DOCK2: variants seen among roughly 807,000 people sequenced by gnomAD.
DOCK2 encodes dedicator of cytokinesis 2.
In DOCK2, 87 loss-of-function variants were observed where a neutral mutation model predicts 248.9. The observed-to-expected ratio is 0.35, with a 90% CI of 0.29 to 0.42. DOCK2 has a LOEUF of 0.42. DOCK2 is among the 10% of genes least tolerant of loss of function. DOCK2 has a pLI of 1.00. For synonymous variants in DOCK2, 805 were observed against 821.6 expected, an observed-to-expected ratio of 0.98 and a Z score of 0.35; for missense variants, 1,747 against 2,300.2, an observed-to-expected ratio of 0.76 and a Z score of 4.92.
At chr5:169,789,097 G>A (rs1244947215) in intron 25 of DOCK2, among the ~76,000 whole-genome samples, 1 of 152,130 alleles carries the variant, frequency 6.6e-6, no homozygotes, top group African/African-American at 2.4e-5. Flanking sequence ...GTAGTATCTG[G>A]TTTTCTGTTC....
At chr5:169,776,733 T>C (rs1246642979) in intron 25 of DOCK2, among the ~76,000 whole-genome samples, 1 of 152,154 alleles carries the variant, frequency 6.6e-6, no homozygotes, top group Non-Finnish European at 1.5e-5. Context: ...TCTCATGAGA[T>C]CTGATAGTTT....
intron 2 of DOCK2, among the ~76,000 whole-genome samples, chr5:169,655,246 C>G (rs1758039496): frequency 6.6e-6 from 1 of 152,332 alleles, no homozygotes; most frequent in African/African-American, 2.4e-5. Flanking sequence ...TGGCCTACCA[C>G]AGTTCCCTCC....
intron 27 of DOCK2, among the ~76,000 whole-genome samples, chr5:169,904,265 G>A (rs1232406730): frequency 6.6e-6 from 1 of 152,164 alleles, no homozygotes; most frequent in Non-Finnish European, 1.5e-5. Flanking sequence ...GCAAGTACTT[G>A]AAAGCAAGGA....
At chr5:170,007,356 T>A (rs1258044412) in intron 30 of DOCK2, among the ~76,000 whole-genome samples, 1 of 152,206 alleles carries the variant, frequency 6.6e-6, no homozygotes, top group African/African-American at 2.4e-5. Flanking sequence ...ATAATTGCCC[T>A]TGAGCACCAA....
At chr5:169,720,912 C>T (rs396226) in intron 22 of DOCK2, among the ~76,000 whole-genome samples, 3,394 of 152,158 alleles carry the variant, frequency 0.022, 132 homozygotes, top group African/African-American at 0.077. Context: ...TTAGTAGAGA[C>T]GGGGTTTCAC....
intron 27 of DOCK2, chr5:169,875,496 G>A (rs1772271848): frequency 3.1e-6 from 1 of 325,342 alleles, no homozygotes. Flanking sequence ...AAGGCAGCAT[G>A]CTGTGGAATC....
At chr5:169,872,984 C>T (rs1176653141) in intron 27 of DOCK2, among the ~76,000 whole-genome samples, 2 of 152,194 alleles carry the variant, frequency 1.3e-5, no homozygotes, top group Non-Finnish European at 1.5e-5. Flanking sequence ...ATGATTATTA[C>T]ACTAACTTGA....
intron 42 of DOCK2, among the ~76,000 whole-genome samples, chr5:170,055,930 G>A (rs1352848932): frequency 1.3e-5 from 2 of 152,230 alleles, no homozygotes; most frequent in Non-Finnish European, 2.9e-5. Context: ...AGGCCACAAG[G>A]TGGGGCCTCT....
At chr5:169,804,144 A>G (rs1237477848) in intron 26 of DOCK2, among the ~76,000 whole-genome samples, 1 of 152,184 alleles carries the variant, frequency 6.6e-6, no homozygotes, top group Non-Finnish European at 1.5e-5. Context: ...ATTGACTGTA[A>G]TTCGAAAACT....
chr5:169,673,645 G>A (rs919328332), intron 5 of DOCK2, among the ~76,000 whole-genome samples: 8 of 152,208 alleles, frequency 5.3e-5, no homozygotes, highest in Non-Finnish European at 7.4e-5. Context: ...CTTAGCCTCC[G>A]GAACATGCTT....
chr5:169,846,631 C>T (rs1770330978), intron 27 of DOCK2, among the ~76,000 whole-genome samples: 1 of 151,770 alleles, frequency 6.6e-6, no homozygotes, highest in African/African-American at 2.4e-5. Flanking sequence ...CACATATATA[C>T]ACACATATAT....
At chr5:169,944,729 G>T (rs993453057) in intron 27 of DOCK2, among the ~76,000 whole-genome samples, 3 of 152,232 alleles carry the variant, frequency 2.0e-5, no homozygotes, top group Non-Finnish European at 4.4e-5. Context: ...GCTCTCACCA[G>T]TGCTAGGAAC....
chr5:169,712,279 G>T (rs1047418472), intron 17 of DOCK2, 56 bp downstream of exon 17: 4 of 1,545,262 alleles, frequency 2.6e-6, no homozygotes, highest in Non-Finnish European at 3.6e-6. Flanking sequence ...GAAAGGGGGT[G>T]ATGGCAAAAT....
intron 27 of DOCK2, chr5:169,841,601 C>A: frequency 3.3e-6 from 1 of 299,714 alleles, no homozygotes. Flanking sequence ...TTGCCCCATG[C>A]TTATTTATTT....
At position 169,750,355 on chromosome 5, in the gene DOCK2, C is replaced by G. The variant is rs35787483; in HGVS notation, c.2376+2851C>G. On this transcript the variant is annotated intron_variant, in intron 23 of 51. Transcript: ENST00000520908. ...CAAAGAGGAACAAGTGAGCATTTGC[C>G]GCTCTCAAGACACCTGGTCAATAGG... 2.6e-3 allele frequency among the ~76,000 whole-genome samples: 388 copies of G among 152,148 alleles called. 1 individual carries two copies. The highest frequency in any genetic ancestry group is 8.9e-3 in the African/African-American group (369 of 41,520).
chr5:169,704,311 G>A (rs1430603893), intron 14 of DOCK2, among the ~76,000 whole-genome samples: 2 of 152,226 alleles, frequency 1.3e-5, no homozygotes, highest in East Asian at 1.9e-4. Context: ...GGCTCCTGTG[G>A]AAATGGTCCC....
At chr5:169,914,203 C>T (rs1174915161) in intron 27 of DOCK2, among the ~76,000 whole-genome samples, 1 of 152,160 alleles carries the variant, frequency 6.6e-6, no homozygotes, top group Non-Finnish European at 1.5e-5. Flanking sequence ...CCTAACTCTC[C>T]CCAGTTCCCA....
At chr5:169,647,934 C>G (rs535354077) in intron 1 of DOCK2, among the ~76,000 whole-genome samples, 3 of 152,280 alleles carry the variant, frequency 2.0e-5, no homozygotes, top group African/African-American at 7.2e-5. Flanking sequence ...CCCCCTTTCA[C>G]CCCACTTTTC....
chr5:170,034,692 G>A (rs943074851), intron 35 of DOCK2, 137 bp downstream of exon 35: 10 of 1,256,170 alleles, frequency 8.0e-6, no homozygotes, highest in Admixed American at 2.7e-5. Flanking sequence ...GGAATGGAAC[G>A]TCTGCTGCGC....
Sources: gnomAD v4.1 joint callset for allele counts (sites outside exome capture counted in the v4.1 genomes callset) on GRCh38, gnomAD v4.1.1 for gene constraint, MANE v1.5 for transcripts, NCBI Gene and HGNC (gene_info 2026-07-23, HGNC 2026-07-21) for gene names.